ADAMTSL1: variants seen among roughly 807,000 people sequenced by gnomAD.
ADAMTSL1 encodes ADAMTS like 1, also known as ADAMTS-like protein 1.
ADAMTSL1 carries 126 observed loss-of-function variants against 201.8 expected under a neutral mutation model. That is an observed-to-expected ratio of 0.62 (90% CI 0.54 to 0.72). The LOEUF is 0.72. Ranked by LOEUF, ADAMTSL1 falls within the 30% of genes least tolerant of loss-of-function variation. ADAMTSL1 has a pLI of 0.00. For synonymous variants in ADAMTSL1, 1,121 were observed against 903.4 expected, an observed-to-expected ratio of 1.24 and a Z score of -4.32; for missense variants, 2,679 against 2,277.8, an observed-to-expected ratio of 1.18 and a Z score of -3.59.
intron 2 of ADAMTSL1, among the ~76,000 whole-genome samples, chr9:18,428,641 A>G (rs16936682): frequency 0.21 from 32,360 of 152,006 alleles, 3,617 homozygotes; most frequent in East Asian, 0.42. Context: ...GAAAAACACA[A>G]TTGGAACATA....
intron 13 of ADAMTSL1, 148 bp downstream of exon 13, chr9:18,684,948 G>C: frequency 7.2e-7 from 1 of 1,392,058 alleles, no homozygotes; most frequent in Non-Finnish European, 9.3e-7. Context: ...AGATTGATTA[G>C]TTTCAAAAAG....
chr9:18,616,817 T>C (rs1249044132), intron 4 of ADAMTSL1, among the ~76,000 whole-genome samples: 1 of 152,366 alleles, frequency 6.6e-6, no homozygotes, highest in East Asian at 1.9e-4. Context: ...ATTTATATGC[T>C]ATAAATCTTT....
Position 18,152,295 on chromosome 9 carries a change from C to G in ADAMTSL1, c.88-11567C>G, listed in dbSNP as rs373038025. ...GCGTAGAAACAGCAGCCTTTAAGGA[C>G]TGATGAGATTTTAGTAGAAGGAGAT... On this transcript the variant is annotated intron_variant, in intron 1 of 29. Transcript: ENST00000680146. 2.6e-5 allele frequency among the ~76,000 whole-genome samples: 4 copies of G among 151,900 alleles called. No homozygotes were observed. The South Asian group carries it at 8.3e-4, about 32-fold the overall frequency.
At chr9:18,451,607 A>G (rs1282155968) in intron 2 of ADAMTSL1, among the ~76,000 whole-genome samples, 3 of 152,206 alleles carry the variant, frequency 2.0e-5, no homozygotes, top group Non-Finnish European at 4.4e-5. Flanking sequence ...GCTACCCCGG[A>G]AATGAAACCT....
intron 26 of ADAMTSL1, among the ~76,000 whole-genome samples, chr9:18,894,380 G>T (rs547666610): frequency 1.8e-4 from 25 of 137,992 alleles, no homozygotes; most frequent in Non-Finnish European, 2.9e-4. Context: ...TATGCTGTCT[G>T]CAGTATAGTG....
intron 2 of ADAMTSL1, among the ~76,000 whole-genome samples, chr9:18,251,534 G>T (rs1488141336): frequency 3.3e-5 from 5 of 152,146 alleles, no homozygotes; most frequent in Admixed American, 3.3e-4. Flanking sequence ...ATCCTTTAAA[G>T]TTATTTTAAT....
At chr9:18,177,913 A>G (rs1053876249) in intron 2 of ADAMTSL1, among the ~76,000 whole-genome samples, 3 of 152,204 alleles carry the variant, frequency 2.0e-5, no homozygotes, top group African/African-American at 7.2e-5. Context: ...ATAATTGAAT[A>G]AAATCCCCCA....
At chr9:18,464,913 T>C (rs971102932) in intron 2 of ADAMTSL1, among the ~76,000 whole-genome samples, 1 of 152,198 alleles carries the variant, frequency 6.6e-6, no homozygotes, top group African/African-American at 2.4e-5. Context: ...TCTTCTGAGC[T>C]TCCTAGTAGC....
At chr9:18,579,515 A>G (rs1032863352) in intron 4 of ADAMTSL1, among the ~76,000 whole-genome samples, 9 of 152,148 alleles carry the variant, frequency 5.9e-5, no homozygotes, top group Non-Finnish European at 4.4e-5. Context: ...AATAAATAAA[A>G]AAAATAAAGT....
At chr9:18,894,431 A>G (rs988683854) in intron 26 of ADAMTSL1, among the ~76,000 whole-genome samples, 5 of 150,348 alleles carry the variant, frequency 3.3e-5, no homozygotes, top group African/African-American at 1.2e-4. Context: ...AGAGAAACCT[A>G]ATCTAGGTGA....
intron 7 of ADAMTSL1, among the ~76,000 whole-genome samples, chr9:18,644,147 T>A (rs1216222387): frequency 6.6e-6 from 1 of 151,946 alleles, no homozygotes; most frequent in Non-Finnish European, 1.5e-5. Flanking sequence ...TACCTGGGAT[T>A]GTTTCATTAA....
chr9:18,219,746 C>A (rs1472469709), intron 2 of ADAMTSL1, among the ~76,000 whole-genome samples: 2 of 152,046 alleles, frequency 1.3e-5, no homozygotes, highest in African/African-American at 2.4e-5. Flanking sequence ...TAGGTTTAGG[C>A]CTAAGTTCTT....
At chr9:18,678,449 G>T (rs375130052) in intron 10 of ADAMTSL1, among the ~76,000 whole-genome samples, 5 of 151,862 alleles carry the variant, frequency 3.3e-5, no homozygotes, top group African/African-American at 1.2e-4. Flanking sequence ...AATTTTCTAC[G>T]CATAGAACTG....
At chr9:18,072,179 C>G (rs1823000021) in intron 1 of ADAMTSL1, among the ~76,000 whole-genome samples, 1 of 152,010 alleles carries the variant, frequency 6.6e-6, no homozygotes, top group African/African-American at 2.4e-5. Flanking sequence ...GTTGCAAAAG[C>G]AAAAATGGGC....
At chr9:18,652,365 C>CAAAAAAAAAAAAAAAAAAACAAAAAA (rs34900718) in intron 7 of ADAMTSL1, among the ~76,000 whole-genome samples, 1 of 94,962 alleles carries the variant, frequency 1.1e-5, no homozygotes, top group Non-Finnish European at 2.1e-5. Flanking sequence ...AACTCCATCT[C>CAAAAAAAAAAAAAAAAAAACAAAAAA]AAAAAAAAAA....
chr9:18,781,988 T>C (rs1032115124), intron 19 of ADAMTSL1, among the ~76,000 whole-genome samples: 1 of 152,274 alleles, frequency 6.6e-6, no homozygotes, highest in African/African-American at 2.4e-5. Context: ...CACATAGTTC[T>C]CAGAAATGCA....
chr9:18,486,370 C>A (rs1032297889), intron 1 of ADAMTSL1, among the ~76,000 whole-genome samples: 1 of 152,206 alleles, frequency 6.6e-6, no homozygotes, highest in Non-Finnish European at 1.5e-5. Flanking sequence ...CCTTTATTCA[C>A]TCTCAGCGAG....
chr9:18,220,666 A>C (rs536177104), intron 2 of ADAMTSL1, among the ~76,000 whole-genome samples: 2 of 152,054 alleles, frequency 1.3e-5, no homozygotes, highest in East Asian at 3.9e-4. Flanking sequence ...TCTATTTTGC[A>C]TGCATTTCCT....
chr9:18,304,504 A>G lies in ADAMTSL1; in HGVS notation c.207+140523A>G, dbSNP rs898823861. On this transcript the variant is annotated intron_variant, in intron 2 of 29. Transcript: ENST00000680146. ...ACCAAATTAAAATTTGGAATCAATAATTAGTGGAGCAAAGGATTTTCTCAA... is the reference window on the plus strand; with the variant it reads ...ACCAAATTAAAATTTGGAATCAATAGTTAGTGGAGCAAAGGATTTTCTCAA... Among the ~76,000 whole-genome samples, 5 of 152,118 alleles carry G rather than the reference A, an allele frequency of 3.3e-5. 1 individual carries two copies. In the East Asian group the frequency reaches 9.6e-4, roughly 29 times the overall value.
Sources: gnomAD v4.1 joint callset for allele counts (sites outside exome capture counted in the v4.1 genomes callset) on GRCh38, gnomAD v4.1.1 for gene constraint, MANE v1.5 for transcripts, NCBI Gene and HGNC (gene_info 2026-07-23, HGNC 2026-07-21) for gene names.